The following BAHCC1 variants were observed in gnomAD, a reference collection of about 807,000 sequenced individuals.
BAHCC1 encodes the protein BAH domain and coiled-coil containing 1.
Under a neutral mutation model 88.2 loss-of-function variants are expected in BAHCC1, and 43 were observed. That is an observed-to-expected ratio of 0.49 (90% confidence interval 0.38 to 0.63). The LOEUF is 0.63. Among genes scored for constraint, BAHCC1 ranks in the 20% least tolerant of loss-of-function variants. The pLI is 0.00. For missense variants in BAHCC1, 3,023 were observed against 1,654.8 expected, an observed-to-expected ratio of 1.83 and a Z score of -14.34; for synonymous variants, 1,510 against 745.5, an observed-to-expected ratio of 2.03 and a Z score of -16.71.
chr17:81,427,507 G>A lies in BAHCC1; in HGVS notation c.358+528G>A, dbSNP rs978731896. Among the ~76,000 whole-genome samples the A allele has an allele frequency of 7.6e-3, 1,151 of 152,240 alleles. 15 individuals carry two copies. The highest frequency in any genetic ancestry group is 0.026 in the African/African-American group (1,063 of 41,540). ...GCCCTGGACACACAGTAGGTGCCTC[G>A]CGAATACTGGCTACTCTCAGGCTGC... On this transcript the variant is annotated intron_variant, in intron 3 of 27. Coordinates refer to ENST00000675386, the MANE Select transcript of BAHCC1 (RefSeq NM_001377448.1).
chr17:81,454,228 G>A (rs8077636), intron 14 of BAHCC1, among the ~76,000 whole-genome samples: 1 of 152,046 alleles, frequency 6.6e-6, no homozygotes, highest in Non-Finnish European at 1.5e-5. Flanking sequence ...CCACACAAGA[G>A]GGGGAGCCCA....
chr17:81,416,462 T>TGG (rs2064028682), intron 2 of BAHCC1, among the ~76,000 whole-genome samples: 1 of 29,282 alleles, frequency 3.4e-5, no homozygotes, highest in African/African-American at 6.4e-5. Flanking sequence ...CCATTGAGGG[T>TGG]GTGTGTGTGT....
At chr17:81,441,437 T>C (rs535532865) in intron 4 of BAHCC1, among the ~76,000 whole-genome samples, 8 of 151,848 alleles carry the variant, frequency 5.3e-5, no homozygotes, top group Non-Finnish European at 7.4e-5. Context: ...CCAAGGCGGG[T>C]GGATCACGAG....
intron 2 of BAHCC1, among the ~76,000 whole-genome samples, chr17:81,415,254 C>T (rs1231474003): frequency 3.9e-5 from 6 of 152,206 alleles, no homozygotes; most frequent in Non-Finnish European, 7.4e-5. Context: ...ATGCCTGGCT[C>T]GGTGCCACAC....
chr17:81,460,769 C>G (rs2030183268), intron 25 of BAHCC1, 63 bp downstream of exon 25: 1 of 774,750 alleles, frequency 1.3e-6, no homozygotes, highest in African/African-American at 1.7e-5. Context: ...CTGGGGGAAC[C>G]AGGAGGCCCG....
At chr17:81,455,468 C>T (rs2064731644) in intron 15 of BAHCC1, 78 bp downstream of exon 15, 1 of 675,512 alleles carries the variant, frequency 1.5e-6, no homozygotes, top group Admixed American at 2.1e-5. Context: ...AGCAGACTCT[C>T]CCCAGCCCTG....
intron 2 of BAHCC1, among the ~76,000 whole-genome samples, chr17:81,406,714 G>A (rs1024526891): frequency 2.0e-5 from 3 of 152,340 alleles, no homozygotes; most frequent in South Asian, 2.1e-4. Context: ...AGCAGCTGCC[G>A]CGGGAGAATC....
chr17:81,462,936 C>T lies in BAHCC1; in HGVS notation c.7580C>T (p.Pro2527Leu). 1.3e-6 allele frequency: 1 copy of T among 782,374 alleles called. No homozygotes were observed. Among genetic ancestry groups the T allele is most frequent in the Non-Finnish European group, 2.4e-6 (1 of 419,832 alleles). The allele number at this position is 782,374 out of a possible 1,614,324, so 48.5% of individuals were successfully genotyped here. ...MVVKVKWFYHPEETKLGKRQC... is the reference protein window; with the variant it reads ...MVVKVKWFYHLEETKLGKRQC... Reference sequence around the variant, plus strand: ...GTCAAGGTCAAGTGGTTCTACCACCCTGAGGAGACCAAGCTGGGCAAGAGG... The same window carrying T: ...GTCAAGGTCAAGTGGTTCTACCACCTTGAGGAGACCAAGCTGGGCAAGAGG... Residue 2527 changes from proline to leucine, a missense_variant, in exon 27 of 28, where the codon CCT becomes CTT. By Grantham distance (98) the Pro-to-Leu change is moderately conservative. Transcript: ENST00000675386.
At chr17:81,419,037 T>TGGGG (rs2143336767) in intron 2 of BAHCC1, among the ~76,000 whole-genome samples, 1 of 152,144 alleles carries the variant, frequency 6.6e-6, no homozygotes, top group East Asian at 1.9e-4. Context: ...GGACCACTAG[T>TGGGG]GATTGCAGCC....
At chr17:81,462,615 G>A (rs2030398843) in intron 26 of BAHCC1, 125 bp from the exon 27 acceptor site, 2 of 612,310 alleles carry the variant, frequency 3.3e-6, no homozygotes, top group Admixed American at 6.0e-5. Context: ...GCCCTTGTGG[G>A]CGCCCTGCAC....
At chr17:81,459,377 C>T (rs1041117555) in intron 22 of BAHCC1, 49 bp downstream of exon 22, 1 of 765,766 alleles carries the variant, frequency 1.3e-6, no homozygotes, top group Non-Finnish European at 2.4e-6. Flanking sequence ...CTGGCTTGTC[C>T]CAGGACAAAG....
At chr17:81,418,798 T>TGTAC (rs1568003335) in intron 2 of BAHCC1, among the ~76,000 whole-genome samples, 36 of 66,246 alleles carry the variant, frequency 5.4e-4, no homozygotes, top group Admixed American at 3.7e-3. Context: ...CGTGTGTGCG[T>TGTAC]GTGTGTGTGT....
At chr17:81,398,960 A>C (rs1329259180) in intron 1 of BAHCC1, among the ~76,000 whole-genome samples, 2 of 151,908 alleles carry the variant, frequency 1.3e-5, no homozygotes, top group African/African-American at 2.4e-5. Flanking sequence ...CTTGAGTTAC[A>C]ATCAATAAAA....
chr17:81,438,373 C>T lies in BAHCC1; in HGVS notation c.362C>T (p.Pro121Leu), dbSNP rs373867359. ...QIWFSHSHEA[P>L]GYPRFSGSLA... is the part of the protein sequence containing the mutation. ...ACTGGGTCTCTTGCTTCTCTAGCTC[C>T]GGGGTACCCCAGATTTTCGGGGAGT... Residue 121 changes from proline (P) to leucine (L), a missense_variant, in exon 4 of 28, where the codon CCG (proline) becomes CTG (leucine). Pro to Leu is a moderately conservative substitution (Grantham distance 98). Coordinates refer to ENST00000675386, the MANE Select transcript of BAHCC1 (RefSeq NM_001377448.1). The T allele has an allele frequency of 3.1e-5, 24 of 778,520 alleles. No individual in the cohort carries two copies. Among genetic ancestry groups the T allele is most frequent in the South Asian group, 2.7e-5 (2 of 74,390 alleles). The allele number at this position is 778,520 out of a possible 1,614,324, so 48.2% of individuals were successfully genotyped here.
chr17:81,433,071 C>T (rs552328955), intron 3 of BAHCC1, among the ~76,000 whole-genome samples: 23 of 151,150 alleles, frequency 1.5e-4, no homozygotes, highest in South Asian at 1.1e-3. Flanking sequence ...GGAGCTGGCC[C>T]GGCCCGCCCC....
chr17:81,461,367 C>G lies in BAHCC1; in HGVS notation c.6704C>G (p.Pro2235Arg). The change falls in exon 26 of 28, where the codon CCC (proline) becomes CGC (arginine). Residue 2235 changes from proline (P) to arginine (R), a missense_variant. Coordinates refer to ENST00000675386, the MANE Select transcript of BAHCC1 (RefSeq NM_001377448.1). The part of the protein sequence containing the change: ...ALLMGDKDFS[P>R]KLGRPLPSPS... ...CTCATGGGGGACAAGGACTTCAGCC[C>G]CAAGCTCGGGCGGCCCCTGCCCAGC... The G allele has an allele frequency of 1.4e-6, 1 of 724,606 alleles. No homozygotes were observed. The highest frequency in any genetic ancestry group is 1.5e-5 in the South Asian group (1 of 66,590). The allele number at this position is 724,606 out of a possible 1,614,324, so 44.9% of individuals were successfully genotyped here. A position where few individuals can be genotyped will look rare whatever the true frequency, so the allele number is the denominator to read the frequency against.
chr17:81,456,680 G>T, intron 16 of BAHCC1, 95 bp downstream of exon 16: 1 of 629,180 alleles, frequency 1.6e-6, no homozygotes. Context: ...CCGCCACCAG[G>T]GCTGGGTCAT....
chr17:81,426,422 A>G (rs2064199901), intron 2 of BAHCC1, among the ~76,000 whole-genome samples: 1 of 100,970 alleles, frequency 9.9e-6, no homozygotes, highest in Non-Finnish European at 1.9e-5. Flanking sequence ...GTTGGGGGTG[A>G]TAGTGGTGGG....
rs1305912743 is a variant in BAHCC1 at position 81,460,607 on chromosome 17, C to T, written c.6103C>T (p.Pro2035Ser). The T allele has an allele frequency of 1.3e-6, 1 of 770,282 alleles. No homozygotes were observed. The highest frequency in any genetic ancestry group is 1.7e-5 in the Admixed American group (1 of 57,816). The allele number at this position is 770,282 out of a possible 1,614,324, so 47.7% of individuals were successfully genotyped here. Residue 2035 changes from proline to serine, a missense_variant, in exon 25 of 28, where the codon CCT becomes TCT. By Grantham distance (74) the Pro-to-Ser change is moderately conservative (BLOSUM62 -1). Transcript: ENST00000675386. ...TKKVSSEAPP[P>S]SEAATPSLSP... is the part of the protein sequence containing the mutation. ...GAAGGTATCCAGTGAGGCACCCCCGCCTAGTGAAGCCGCCACCCCCAGCCT... is the reference window on the plus strand; with the variant it reads ...GAAGGTATCCAGTGAGGCACCCCCGTCTAGTGAAGCCGCCACCCCCAGCCT...
Sources: gnomAD v4.1 joint callset for allele counts (sites outside exome capture counted in the v4.1 genomes callset) on GRCh38, gnomAD v4.1.1 for gene constraint, MANE v1.5 for transcripts, NCBI Gene and HGNC (gene_info 2026-07-23, HGNC 2026-07-21) for gene names.